ZNF100: variants seen among roughly 807,000 people sequenced by gnomAD.
ZNF100 encodes the protein zinc finger protein 100.
ZNF100 carries 12 observed loss-of-function variants against 15.8 expected under a neutral mutation model. The observed-to-expected ratio is 0.76, with a 90% confidence interval of 0.49 to 1.23. The LOEUF is 1.23. Ranked by LOEUF, ZNF100 falls within the 50% of genes most tolerant of loss-of-function variation. The pLI, the probability that ZNF100 is intolerant of heterozygous loss-of-function variation, is 0.00. For synonymous variants in ZNF100, 226 were observed against 214.8 expected (o/e 1.05, Z -0.45); for missense variants, 670 against 635.6 (o/e 1.05, Z -0.58).
At chr19:21,745,337 T>C (rs1343049410) in intron 2 of ZNF100, among the ~76,000 whole-genome samples, 1 of 152,164 alleles carries the variant, frequency 6.6e-6, no homozygotes, top group Non-Finnish European at 1.5e-5. Context: ...CACAAACATA[T>C]ACATTTTTGA....
chr19:21,743,304 C>T (rs564328911), intron 4 of ZNF100: 196 of 152,194 alleles, frequency 1.3e-3, no homozygotes, highest in African/African-American at 4.0e-3. Context: ...ATTTCATGTC[C>T]ATGGATTGAA....
chr19:21,747,319 CACA>C (rs2036228943), intron 2 of ZNF100, among the ~76,000 whole-genome samples: 1 of 151,808 alleles, frequency 6.6e-6, no homozygotes, highest in African/African-American at 2.4e-5. Context: ...TGCTTCCACC[CACA>C]ACAATAAACA....
At chr19:21,751,295 C>A in intron 2 of ZNF100, 1 of 977,460 alleles carries the variant, frequency 1.0e-6, no homozygotes, top group East Asian at 2.4e-5. Context: ...AATATATTAC[C>A]ACATAAAGAA....
Position 21,726,507 on chromosome 19 carries a change from C to T in ZNF100, c.*176G>A. 1.7e-6 allele frequency: 1 copy of T among 602,972 alleles called. No individual in the cohort carries two copies. The highest frequency in any genetic ancestry group is 1.9e-5 in the African/African-American group (1 of 53,666). The allele number at this position is 602,972 out of a possible 1,614,324, so 37.4% of individuals were successfully genotyped here. A position where few individuals can be genotyped will look rare whatever the true frequency, so the allele number is the denominator to read the frequency against. The stretch of plus-strand genomic sequence containing the variant: ...GTTTGAGGTGTTTTCAAAGCACTGT[C>T]ACATCTTTCTGGTTTGTAGAATTTC... On this transcript the variant is annotated 3_prime_UTR_variant, in exon 5 of 5. Coordinates refer to ENST00000358296, the MANE Select transcript of ZNF100 (RefSeq NM_173531.4).
chr19:21,747,977 T>TA (rs11381850), intron 2 of ZNF100, among the ~76,000 whole-genome samples: 69,991 of 151,822 alleles, frequency 0.46, 17,907 homozygotes, highest in Admixed American at 0.59. Flanking sequence ...ATTGATTTTT[T>TA]AAAAAAATGT....
chr19:21,745,773 C>T (rs990152501), intron 2 of ZNF100, among the ~76,000 whole-genome samples: 1 of 152,134 alleles, frequency 6.6e-6, no homozygotes, highest in African/African-American at 2.4e-5. Flanking sequence ...CCACCCGCCT[C>T]GGCCTCCCAA....
rs891494117 is a variant in ZNF100 at position 21,726,201 on chromosome 19, A to C, written c.*482T>G. On this transcript the variant is annotated 3_prime_UTR_variant, in exon 5 of 5. Transcript: ENST00000358296. ...AGATATTTTGACAGTAGTTGCACTT[A>C]TGTTTTTATTGAGTATGAACTCTCT... is the stretch of plus-strand genomic sequence containing the variant. 9 of 127,676 alleles carry C rather than the reference A, an allele frequency of 7.0e-5. No individual in the cohort carries two copies. Among genetic ancestry groups the C allele is most frequent in the African/African-American group, 2.7e-4 (8 of 29,972 alleles). 7.9% of individuals were successfully genotyped at this position (127,676 alleles called of 1,614,324 possible).
chr19:21,730,018 TA>T (rs1381118653), intron 4 of ZNF100, among the ~76,000 whole-genome samples: 3 of 151,678 alleles, frequency 2.0e-5, no homozygotes, highest in African/African-American at 7.3e-5. Flanking sequence ...AATATAAAAA[TA>T]AAAAGATACA....
intron 4 of ZNF100, among the ~76,000 whole-genome samples, chr19:21,734,165 T>A (rs1207895720): frequency 6.6e-6 from 1 of 152,070 alleles, no homozygotes; most frequent in Non-Finnish European, 1.5e-5. Flanking sequence ...CTCCTCCAAA[T>A]AATCAAAACA....
At chr19:21,767,399 C>G in intron 1 of ZNF100, 28 bp downstream of exon 1, 2 of 1,608,874 alleles carry the variant, frequency 1.2e-6, no homozygotes, top group South Asian at 1.1e-5. Context: ...TTCGCCGTCT[C>G]TCGGGATGTC....
Position 21,744,991 on chromosome 19 carries a change from C to A in ZNF100, c.173G>T (p.Gly58Val), listed in dbSNP as rs758144796. The change falls in exon 3 of 5, where the codon GGT (glycine) becomes GTT (valine). Residue 58 changes from glycine (G) to valine (V), a missense_variant. Coordinates refer to ENST00000358296, the MANE Select transcript of ZNF100 (RefSeq NM_173531.4). Reference sequence around the variant, plus strand: ...CTCTAACATCACTTTCCTATACAAACCCTGCTGAGCACTGTCCAGGCATTG... The same window carrying A: ...CTCTAACATCACTTTCCTATACAAAACCTGCTGAGCACTGTCCAGGCATTG... The part of the protein sequence containing the change: ...EWQCLDSAQQ[G>V]LYRKVMLENY... The A allele has an allele frequency of 1.9e-6, 3 of 1,612,124 alleles. No homozygotes were observed. The highest frequency in any genetic ancestry group is 1.7e-6 in the Non-Finnish European group (2 of 1,179,656).
Position 21,727,386 on chromosome 19 carries a change from C to A in ZNF100, c.926G>T (p.Arg309Ile), listed in dbSNP as rs1231051270. The change falls in exon 5 of 5, where the codon AGA (arginine) becomes ATA (isoleucine). Residue 309 changes from arginine to isoleucine, a missense_variant. By Grantham distance (97) the Arg-to-Ile change is moderately conservative. Coordinates refer to ENST00000358296, the MANE Select transcript of ZNF100 (RefSeq NM_173531.4). ...NRSSHLTTHKRIHTGVKPYKC... is the reference protein window; with the variant it reads ...NRSSHLTTHKIIHTGVKPYKC... ...GTAGGGTTTCACTCCAGTATGAATT[C>A]TTTTATGTGTAGTAAGGTGTGAAGA... The A allele has an allele frequency of 1.9e-6, 3 of 1,612,030 alleles. No individual in the cohort carries two copies. The highest frequency in any genetic ancestry group is 1.6e-4 in the Middle Eastern group (1 of 6,078).
At chr19:21,766,545 T>C (rs2036565495) in intron 1 of ZNF100, among the ~76,000 whole-genome samples, 1 of 152,150 alleles carries the variant, frequency 6.6e-6, no homozygotes, top group African/African-American at 2.4e-5. Context: ...TTCACCTGTA[T>C]TGTACAAATC....
intron 4 of ZNF100, among the ~76,000 whole-genome samples, chr19:21,734,780 CAGGAAAAAATGATA>C (rs1485415433): frequency 1.3e-4 from 19 of 151,954 alleles, no homozygotes; most frequent in Non-Finnish European, 2.8e-4. Flanking sequence ...GTTTAAACTT[CAGGAAAAAATGATA>C]AGGACAGCCA....
At chr19:21,750,963 C>T (rs2036297283) in intron 2 of ZNF100, 10 of 943,538 alleles carry the variant, frequency 1.1e-5, no homozygotes, top group African/African-American at 1.7e-5. Context: ...CCCGGGGATG[C>T]GGTGGCGGTA....
chr19:21,736,070 G>C (rs1181018850), intron 4 of ZNF100, among the ~76,000 whole-genome samples: 2 of 152,040 alleles, frequency 1.3e-5, no homozygotes, highest in Admixed American at 6.6e-5. Flanking sequence ...TTACAGGCGT[G>C]AGCCACCATG....
chr19:21,752,787 G>A (rs1320229052), intron 2 of ZNF100: 1 of 152,234 alleles, frequency 6.6e-6, no homozygotes, highest in Admixed American at 6.5e-5. Flanking sequence ...TGCAGCAGGA[G>A]TATAAATGCT....
intron 4 of ZNF100, among the ~76,000 whole-genome samples, chr19:21,728,958 T>C (rs764455785): frequency 6.6e-6 from 1 of 150,902 alleles, no homozygotes; most frequent in Non-Finnish European, 1.5e-5. Context: ...GTAATAAATA[T>C]AAAAAAGAAT....
chr19:21,727,047 A>C lies in ZNF100; in HGVS notation c.1265T>G (p.Ile422Ser), dbSNP rs530787118. Residue 422 changes from isoleucine (I) to serine (S), a missense_variant, in exon 5 of 5, where the codon ATT (isoleucine) becomes AGT (serine). Ile to Ser is a moderately radical substitution (Grantham distance 142). Coordinates refer to ENST00000358296, the MANE Select transcript of ZNF100 (RefSeq NM_173531.4). ...WSSALTKHKR[I>S]HTGEKPYKCE... is the part of the protein sequence containing the mutation. The stretch of plus-strand genomic sequence containing the variant: ...TTTGTAGGGTTTCTCTCCAGTATGA[A>C]TTCTCTTATGTTTAGTGAGGGCTGA... The C allele has an allele frequency of 6.2e-7, 1 of 1,612,602 alleles. No individual in the cohort carries two copies. Among genetic ancestry groups the C allele is most frequent in the South Asian group, 1.1e-5 (1 of 90,990 alleles).
Sources: gnomAD v4.1 joint callset for allele counts (sites outside exome capture counted in the v4.1 genomes callset) on GRCh38, gnomAD v4.1.1 for gene constraint, MANE v1.5 for transcripts, NCBI Gene and HGNC (gene_info 2026-07-23, HGNC 2026-07-21) for gene names.